Variants in TRPM3 observed in about 807,000 individuals in gnomAD.
TRPM3 encodes transient receptor potential cation channel subfamily M member 3.
TRPM3 carries 77 observed loss-of-function variants against 181.2 expected under a neutral mutation model. That is an observed-to-expected ratio of 0.42 (90% CI 0.35 to 0.51). The LOEUF (loss-of-function observed/expected upper bound fraction) is 0.51. Among genes scored for constraint, TRPM3 ranks in the 20% least tolerant of loss-of-function variants. The pLI is 0.01. For synonymous variants in TRPM3, 745 were observed against 796.4 expected (o/e 0.94, Z 1.09); for missense variants, 1,759 against 2,196.7 (o/e 0.80, Z 3.98).
chr9:70,864,296 C>A, intron 2 of TRPM3, 136 bp downstream of exon 2: 1 of 546,634 alleles, frequency 1.8e-6, no homozygotes, highest in Non-Finnish European at 3.1e-6. Flanking sequence ...AATAAGATTG[C>A]CTCAAAGATG....
intron 25 of TRPM3, among the ~76,000 whole-genome samples, chr9:70,539,159 A>G (rs2042567763): frequency 1.3e-5 from 2 of 152,218 alleles, no homozygotes; most frequent in African/African-American, 2.4e-5. Context: ...GAATGTGGGA[A>G]TTAGGCTGGG....
chr9:70,558,452 T>C (rs2048272704), intron 22 of TRPM3, among the ~76,000 whole-genome samples: 1 of 152,104 alleles, frequency 6.6e-6, no homozygotes, highest in African/African-American at 2.4e-5. Context: ...CATGGAAAGA[T>C]TGGAAGGAGC....
intron 8 of TRPM3, among the ~76,000 whole-genome samples, chr9:70,688,559 CCTTT>C (rs2067612749): frequency 6.6e-6 from 1 of 152,140 alleles, no homozygotes; most frequent in Non-Finnish European, 1.5e-5. Flanking sequence ...TTCCATCAAT[CCTTT>C]CTTTGGTCTT....
At position 70,598,674 on chromosome 9, in the gene TRPM3, T is replaced by A; in HGVS notation, c.2797-4A>T. ...TCCCTGGCTCTGACATCAGAATCTA[T>A]AAGGCAGGAAGGAGAGCAGAGTTAG... On this transcript the variant is annotated splice_region_variant and splice_polypyrimidine_tract_variant and intron_variant, in intron 20 of 25. Transcript: ENST00000677713. The A allele has an allele frequency of 6.2e-7, 1 of 1,612,646 alleles. No individual in the cohort carries two copies. Among genetic ancestry groups the A allele is most frequent in the Non-Finnish European group, 8.5e-7 (1 of 1,178,768 alleles).
At chr9:71,281,163 C>T (rs1394505079) in intron 1 of TRPM3, among the ~76,000 whole-genome samples, 3 of 152,108 alleles carry the variant, frequency 2.0e-5, no homozygotes, top group Admixed American at 1.3e-4. Flanking sequence ...AAAGCAAAGT[C>T]GGGAGGTGTG....
intron 1 of TRPM3, among the ~76,000 whole-genome samples, chr9:70,923,221 G>T (rs2096676249): frequency 6.6e-6 from 1 of 152,092 alleles, no homozygotes; most frequent in African/African-American, 2.4e-5. Flanking sequence ...AAATAACTGT[G>T]TGTTCATCTT....
intron 22 of TRPM3, among the ~76,000 whole-genome samples, chr9:70,577,921 G>A (rs943830974): frequency 2.6e-5 from 4 of 152,112 alleles, no homozygotes; most frequent in African/African-American, 9.7e-5. Context: ...GTCAGCAACC[G>A]GCTTTCTTGT....
intron 1 of TRPM3, among the ~76,000 whole-genome samples, chr9:71,261,350 C>T: frequency 6.6e-6 from 1 of 152,110 alleles, no homozygotes; most frequent in South Asian, 2.1e-4. Flanking sequence ...TTTTTCAGCT[C>T]CATCAGGTCA....
chr9:70,959,198 AT>A (rs983258323), intron 1 of TRPM3, among the ~76,000 whole-genome samples: 3 of 152,068 alleles, frequency 2.0e-5, no homozygotes, highest in Non-Finnish European at 2.9e-5. Flanking sequence ...TAAAAAAAAA[AT>A]GTATAGTAAA....
intron 3 of TRPM3, among the ~76,000 whole-genome samples, chr9:70,853,020 T>C (rs2095284142): frequency 1.3e-5 from 2 of 152,214 alleles, no homozygotes; most frequent in Non-Finnish European, 1.5e-5. Flanking sequence ...TGCAAGAGCT[T>C]TGAGGGGAGA....
intron 1 of TRPM3, among the ~76,000 whole-genome samples, chr9:71,169,485 G>C (rs1335693538): frequency 6.6e-6 from 1 of 152,172 alleles, no homozygotes; most frequent in African/African-American, 2.4e-5. Flanking sequence ...GATCAGGAAA[G>C]TCAATTGAAA....
intron 1 of TRPM3, among the ~76,000 whole-genome samples, chr9:70,962,328 C>T (rs940400374): frequency 9.9e-5 from 15 of 152,066 alleles, no homozygotes; most frequent in Middle Eastern, 3.4e-3. Context: ...CCTAAAGGAT[C>T]ATAGTAAAAT....
chr9:70,846,377 C>T lies in TRPM3; in HGVS notation c.676+1G>A. On this transcript the variant is annotated splice_donor_variant, in intron 4 of 25. Transcript: ENST00000677713. LOFTEE classifies it high-confidence loss of function. ...ACTTTCTCTGTTCCACTTGCAATTA[C>T]CTGTGTTAACCCCTCCAGTGAATAT... The T allele has an allele frequency of 6.2e-7, 1 of 1,613,378 alleles. No homozygotes were observed. Among genetic ancestry groups the T allele is most frequent in the Non-Finnish European group, 8.5e-7 (1 of 1,179,344 alleles).
intron 25 of TRPM3, among the ~76,000 whole-genome samples, chr9:70,544,706 CA>C (rs1299116359): frequency 6.6e-6 from 1 of 151,608 alleles, no homozygotes; most frequent in Non-Finnish European, 1.5e-5. Context: ...ATGAAAAAAT[CA>C]GGATCCAAAA....
intron 1 of TRPM3, among the ~76,000 whole-genome samples, chr9:71,002,506 T>A (rs985231104): frequency 3.3e-5 from 5 of 152,224 alleles, no homozygotes; most frequent in African/African-American, 9.6e-5. Context: ...ATGATGTTCC[T>A]AAAACTTCAT....
intron 1 of TRPM3, among the ~76,000 whole-genome samples, chr9:70,931,910 T>C (rs1436855362): frequency 1.3e-5 from 2 of 152,214 alleles, no homozygotes; most frequent in Non-Finnish European, 2.9e-5. Flanking sequence ...TACCAATATG[T>C]TGAATGCTAA....
chr9:71,156,406 C>CAT (rs1449940190), intron 1 of TRPM3, among the ~76,000 whole-genome samples: 130 of 148,034 alleles, frequency 8.8e-4, no homozygotes, highest in Middle Eastern at 3.4e-3. Context: ...CACACACACA[C>CAT]ACACACACAC....
intron 1 of TRPM3, among the ~76,000 whole-genome samples, chr9:71,103,976 G>A (rs2068933252): frequency 6.6e-6 from 1 of 151,530 alleles, no homozygotes; most frequent in African/African-American, 2.4e-5. Context: ...ATGCAATGGT[G>A]CAATCTCGGC....
chr9:71,155,294 C>A (rs1487398072), intron 1 of TRPM3, among the ~76,000 whole-genome samples: 1 of 151,864 alleles, frequency 6.6e-6, no homozygotes, highest in Non-Finnish European at 1.5e-5. Flanking sequence ...TTATTGAATA[C>A]TTACTATATG....
Sources: gnomAD v4.1 joint callset for allele counts (sites outside exome capture counted in the v4.1 genomes callset) on GRCh38, gnomAD v4.1.1 for gene constraint, MANE v1.5 for transcripts, NCBI Gene and HGNC (gene_info 2026-07-23, HGNC 2026-07-21) for gene names.